Variants in SYNE2 observed in about 807,000 individuals in gnomAD.
SYNE2 encodes the protein spectrin repeat containing nuclear envelope protein 2, also known as nesprin-2.
Under a neutral mutation model 856.3 loss-of-function variants are expected in SYNE2, and 431 were observed. The ratio of observed to expected loss-of-function variants is 0.50; its 90% CI spans 0.47 to 0.55. The LOEUF (loss-of-function observed/expected upper bound fraction) is 0.55, where lower values mean the gene tolerates loss of function less well. SYNE2 is among the 20% of genes least tolerant of loss of function. The pLI is 0.00. For synonymous variants in SYNE2, 2,923 were observed against 2,872.3 expected (o/e 1.02, Z -0.56); for missense variants, 8,129 against 8,023.2 (o/e 1.01, Z -0.50).
At chr14:64,037,661 A>G (rs1339224879) in intron 45 of SYNE2, among the ~76,000 whole-genome samples, 1 of 148,386 alleles carries the variant, frequency 6.7e-6, no homozygotes, top group South Asian at 2.2e-4. Flanking sequence ...CCTCCCAGAC[A>G]GGGTGGTGGC....
intron 16 of SYNE2, among the ~76,000 whole-genome samples, 177 bp from the exon 17 acceptor site, chr14:63,982,453 G>A (rs968422758): frequency 6.6e-6 from 1 of 150,490 alleles, no homozygotes; most frequent in African/African-American, 2.5e-5. Context: ...GTCTTGGTGC[G>A]GAGGTTGCAA....
intron 107 of SYNE2, chr14:64,215,672 C>CT: frequency 4.2e-6 from 2 of 475,676 alleles, no homozygotes; most frequent in Non-Finnish European, 7.5e-6. Context: ...GCCAAGCTTT[C>CT]TTCATGGTGG....
Position 63,998,621 on chromosome 14 carries a change from G to A in SYNE2, c.3353+293G>A, listed in dbSNP as rs28483877. Reference sequence around the variant, plus strand: ...CTGTCGCCCAGGCTGGAGTGCAGTGGCGCCATCTTGGCTTGCTGCAGCCTC... The same window carrying A: ...CTGTCGCCCAGGCTGGAGTGCAGTGACGCCATCTTGGCTTGCTGCAGCCTC... On this transcript the variant is annotated intron_variant, in intron 26 of 115. Transcript: ENST00000555002. Among the ~76,000 whole-genome samples the A allele has an allele frequency of 0.28, 42,672 of 151,846 alleles. 6,191 individuals are homozygous for A. Among genetic ancestry groups the A allele is most frequent in the Middle Eastern group, 0.35 (102 of 290 alleles).
At chr14:64,085,774 CATTT>C (rs1166798786) in intron 57 of SYNE2, among the ~76,000 whole-genome samples, 2 of 152,100 alleles carry the variant, frequency 1.3e-5, no homozygotes, top group East Asian at 3.9e-4. Flanking sequence ...TAATTTTGAG[CATTT>C]ATTTATGTCT....
chr14:63,998,193 G>T, intron 25 of SYNE2, 26 bp from the exon 26 acceptor site: 1 of 1,467,756 alleles, frequency 6.8e-7, no homozygotes, highest in Non-Finnish European at 9.6e-7. Context: ...AAGATATTTC[G>T]TTTACTATTT....
At chr14:64,044,837 A>G (rs1394782474) in intron 45 of SYNE2, among the ~76,000 whole-genome samples, 1 of 152,106 alleles carries the variant, frequency 6.6e-6, no homozygotes, top group Admixed American at 6.5e-5. Context: ...TTCCCCACCC[A>G]CATGGAACTG....
At chr14:63,965,097 G>C (rs1258665148) in intron 10 of SYNE2, among the ~76,000 whole-genome samples, 1 of 151,554 alleles carries the variant, frequency 6.6e-6, no homozygotes, top group Non-Finnish European at 1.5e-5. Context: ...CGAGTAGCTG[G>C]GTTTACAGGC....
At chr14:64,023,880 A>G (rs1420612891) in intron 38 of SYNE2, 1 of 245,118 alleles carries the variant, frequency 4.1e-6, no homozygotes, top group Admixed American at 5.1e-5. Flanking sequence ...TGCCCATTGC[A>G]TGGGCCTTAA....
chr14:63,990,202 A>G (rs1243593196), intron 19 of SYNE2, among the ~76,000 whole-genome samples: 1 of 152,194 alleles, frequency 6.6e-6, no homozygotes, highest in Non-Finnish European at 1.5e-5. Context: ...TGCTTACTGT[A>G]TAAAGAATGA....
Position 64,167,381 on chromosome 14 carries a change from G to A in SYNE2, c.16754G>A (p.Arg5585His), listed in dbSNP as rs141144237. The A allele has an allele frequency of 5.9e-5, 95 of 1,614,094 alleles. No homozygotes were observed. Among genetic ancestry groups the A allele is most frequent in the South Asian group, 3.3e-5 (3 of 91,092 alleles). ...WIRATATALE[R>H]CSELQGIGLN... is the part of the protein sequence containing the mutation. ...CGGGCCACGGCCACGGCACTGGAGC[G>A]CTGCAGGTTAGAACATCCCTTCTCT... Residue 5585 changes from arginine to histidine, a missense_variant, in exon 91 of 116, where the codon CGC becomes CAC. Coordinates refer to ENST00000555002, the MANE Select transcript of SYNE2 (RefSeq NM_182914.3).
intron 9 of SYNE2, among the ~76,000 whole-genome samples, chr14:63,963,248 A>C (rs180860709): frequency 6.6e-6 from 1 of 152,246 alleles, no homozygotes; most frequent in African/African-American, 2.4e-5. Context: ...ATATTAAAAA[A>C]ATAAAATGAA....
In SYNE2 at chr14:64,215,216, C is replaced by T. The variant is rs536433300; in HGVS notation, c.19334-70C>T. On this transcript the variant is annotated intron_variant, in intron 106 of 115. Transcript: ENST00000555002. ...CTCCTTCCAGCTGACAATGTTTCTA[C>T]TGTGTGTTAATACTTGGGCATTAAT... 3.7e-5 allele frequency: 48 copies of T among 1,305,314 alleles called. No homozygotes were observed. The African/African-American group carries it at 5.4e-4, about 15-fold the overall frequency. The allele number at this position is 1,305,314 out of a possible 1,614,324, so 80.9% of individuals were successfully genotyped here.
At chr14:63,918,951 C>T (rs1031235354) in intron 2 of SYNE2, among the ~76,000 whole-genome samples, 4 of 152,152 alleles carry the variant, frequency 2.6e-5, no homozygotes, top group Non-Finnish European at 4.4e-5. Flanking sequence ...TGTATATCTC[C>T]GTCTGCCTCC....
intron 1 of SYNE2, among the ~76,000 whole-genome samples, chr14:63,791,285 C>G (rs757615464): frequency 6.6e-6 from 1 of 152,000 alleles, no homozygotes. Flanking sequence ...GGCCCAATCC[C>G]GCCTCCTTGA....
At chr14:64,098,552 C>G in intron 62 of SYNE2, 195 bp from the exon 63 acceptor site, 2 of 636,044 alleles carry the variant, frequency 3.1e-6, no homozygotes, top group Non-Finnish European at 5.6e-6. Flanking sequence ...ATGAAAATAA[C>G]AAGACCTAAG....
At chr14:63,809,074 A>C (rs572932311) in intron 1 of SYNE2, among the ~76,000 whole-genome samples, 1 of 152,214 alleles carries the variant, frequency 6.6e-6, no homozygotes, top group South Asian at 2.1e-4. Context: ...GTCACACTGA[A>C]CTTGGCTGCT....
intron 32 of SYNE2, among the ~76,000 whole-genome samples, chr14:64,011,575 A>G (rs1359701904): frequency 6.6e-6 from 1 of 152,118 alleles, no homozygotes; most frequent in Middle Eastern, 3.2e-3. Flanking sequence ...TCTCTGCCTT[A>G]TTCAACAGAC....
intron 95 of SYNE2, among the ~76,000 whole-genome samples, chr14:64,177,009 G>T (rs1019968862): frequency 6.6e-6 from 1 of 152,052 alleles, no homozygotes; most frequent in African/African-American, 2.4e-5. Flanking sequence ...TGTTGGCCAG[G>T]CTGGTCTCAA....
intron 1 of SYNE2, among the ~76,000 whole-genome samples, chr14:63,763,583 C>T (rs1886571026): frequency 6.6e-6 from 1 of 152,048 alleles, no homozygotes; most frequent in Non-Finnish European, 1.5e-5. Context: ...ATCATGATGG[C>T]TCAGGCCTGT....
Sources: gnomAD v4.1 joint callset for allele counts (sites outside exome capture counted in the v4.1 genomes callset) on GRCh38, gnomAD v4.1.1 for gene constraint, MANE v1.5 for transcripts, NCBI Gene and HGNC (gene_info 2026-07-23, HGNC 2026-07-21) for gene names.